The following HAP1 variants were observed in gnomAD, a reference collection of about 807,000 sequenced individuals.
HAP1 encodes the protein huntingtin associated protein 1.
Under a neutral mutation model 60.3 loss-of-function variants are expected in HAP1, and 59 were observed. That is an observed-to-expected ratio of 0.98 (90% CI 0.79 to 1.22). The LOEUF (loss-of-function observed/expected upper bound fraction) is 1.22. HAP1 is among the 50% of genes most tolerant of loss of function. The probability of loss-of-function intolerance (pLI) is 0.00; values close to 1 mark genes in which losing one functional copy is unlikely to be tolerated. For missense variants in HAP1, 825 were observed against 785.3 expected, an observed-to-expected ratio of 1.05 and a Z score of -0.60; for synonymous variants, 346 against 330.6, an observed-to-expected ratio of 1.05 and a Z score of -0.50.
rs1158624877 is a variant in HAP1 at position 41,724,865 on chromosome 17, C to T, written c.1696G>A (p.Gly566Ser). Residue 566 changes from glycine to serine, a missense_variant, in exon 11 of 11, where the codon GGC becomes AGC. Coordinates refer to ENST00000347901, the MANE Select transcript of HAP1 (RefSeq NM_177977.3). ...VTSALEASGL[G>S]PSHLDMNYVL... ...TAATTCATGTCCAGGTGTGAAGGGC[C>T]CAAGCCGCTGGCCTCCAGGGCTGAT... is the stretch of plus-strand genomic sequence containing the variant. 1 of 1,613,640 alleles carries T rather than the reference C, an allele frequency of 6.2e-7. No individual in the cohort carries two copies. Among genetic ancestry groups the T allele is most frequent in the Non-Finnish European group, 8.5e-7 (1 of 1,180,006 alleles).
chr17:41,719,324 A>G (rs1419061005), downstream of HAP1, among the ~76,000 whole-genome samples: 1 of 152,162 alleles, frequency 6.6e-6, no homozygotes, highest in Non-Finnish European at 1.5e-5. Context: ...AGGAATATGA[A>G]AACCATGGAT....
At position 41,728,225 on chromosome 17, in the gene HAP1, C is replaced by G. The variant is rs1555589523; in HGVS notation, c.1176G>C (p.Leu392=). ...QEVARLQAQV[L]KLQQRCRMYG... is the part of the protein sequence containing the mutation. ...CCATCCGGCAGCGCTGCTGCAGCTT[C>G]AGCACCTGGGCCTGCAGCCGAGCGA... Residue 392 remains leucine, a synonymous_variant, in exon 7 of 11, where the codon CTG becomes CTC. Coordinates refer to ENST00000347901, the MANE Select transcript of HAP1 (RefSeq NM_177977.3). 1 of 1,612,942 alleles carries G rather than the reference C, an allele frequency of 6.2e-7. No homozygotes were observed. The highest frequency in any genetic ancestry group is 1.1e-5 in the South Asian group (1 of 91,088).
At chr17:41,725,403 A>G (rs1911555117) in intron 10 of HAP1, among the ~76,000 whole-genome samples, 1 of 152,130 alleles carries the variant, frequency 6.6e-6, no homozygotes. Context: ...CACGGAATAC[A>G]CCAACAGGGT....
intron 8 of HAP1, 89 bp from the exon 9 acceptor site, chr17:41,727,233 CAGCCACCAAGGCTG>C: frequency 1.2e-6 from 1 of 819,100 alleles, no homozygotes; most frequent in South Asian, 1.3e-5. Flanking sequence ...GGATCTCAAT[CAGCCACCAAGGCTG>C]AGACACAGGC....
Position 41,725,000 on chromosome 17 carries a change from G to C in HAP1, c.1561C>G (p.Pro521Ala). ...QEELGAAKKV[P>A]AEEGVMEEAE... ...TCTTCCATCACCCCTTCCTCAGCCG[G>C]CACCTTCTTGGCAGCCCCCAGCTCC... The change falls in exon 11 of 11, where the codon CCG (proline) becomes GCG (alanine). Residue 521 changes from proline (P) to alanine (A), a missense_variant. Coordinates refer to ENST00000347901, the MANE Select transcript of HAP1 (RefSeq NM_177977.3). The C allele has an allele frequency of 6.2e-7, 1 of 1,611,714 alleles. No homozygotes were observed. Among genetic ancestry groups the C allele is most frequent in the East Asian group, 2.2e-5 (1 of 44,824 alleles).
chr17:41,728,201 C>A lies in HAP1; in HGVS notation c.1200G>T (p.Met400Ile). The change falls in exon 7 of 11, where the codon ATG becomes ATT. Residue 400 changes from methionine to isoleucine, a missense_variant and splice_region_variant. By Grantham distance (10) the Met-to-Ile change is conservative. Transcript: ENST00000347901. ...QVLKLQQRCR[M>I]YGAETEKLQK... The stretch of plus-strand genomic sequence containing the variant: ...AGGGTTCCACACACACCCGACTCAC[C>A]ATCCGGCAGCGCTGCTGCAGCTTCA... 1 of 1,610,878 alleles carries A rather than the reference C, an allele frequency of 6.2e-7. No individual in the cohort carries two copies. The highest frequency in any genetic ancestry group is 1.1e-5 in the South Asian group (1 of 91,086).
chr17:41,726,984 G>A, intron 9 of HAP1, 69 bp downstream of exon 9: 2 of 792,402 alleles, frequency 2.5e-6, no homozygotes, highest in Non-Finnish European at 4.3e-6. Context: ...CAGAGTGTGA[G>A]GGCAAACCCC....
chr17:41,727,377 T>C, intron 8 of HAP1: 2 of 780,564 alleles, frequency 2.6e-6, no homozygotes, highest in South Asian at 1.3e-5. Flanking sequence ...CACCTCCTCC[T>C]GCATCTCAAT....
At chr17:41,725,998 A>G in intron 9 of HAP1, 101 bp from the exon 10 acceptor site, 3 of 872,562 alleles carry the variant, frequency 3.4e-6, no homozygotes, top group Non-Finnish European at 5.8e-6. Flanking sequence ...GGCCATGAGC[A>G]GTGGCTCACG....
chr17:41,724,949 C>T lies in HAP1; in HGVS notation c.1612G>A (p.Glu538Lys), dbSNP rs149023651. ...EEAELVSEET[E>K]GWEEVELELD... ...TCCAGTTCCACCTCCTCCCAGCCCTCGGTCTCCTCTGACACCAGCTCTGCC... is the reference window on the plus strand; with the variant it reads ...TCCAGTTCCACCTCCTCCCAGCCCTTGGTCTCCTCTGACACCAGCTCTGCC... The change falls in exon 11 of 11, where the codon GAG becomes AAG. Residue 538 changes from glutamate (E) to lysine (K), a missense_variant. Glu to Lys is a moderately conservative substitution (Grantham distance 56, BLOSUM62 1). Coordinates refer to ENST00000347901, the MANE Select transcript of HAP1 (RefSeq NM_177977.3). 64 of 1,612,902 alleles carry T rather than the reference C, an allele frequency of 4.0e-5. No homozygotes were observed. The African/African-American group carries it at 6.5e-4, about 16-fold the overall frequency.
At position 41,731,651 on chromosome 17, in the gene HAP1, T is replaced by C. The variant is rs368569053; in HGVS notation, c.989A>G (p.Gln330Arg). The C allele has an allele frequency of 1.2e-6, 2 of 1,613,770 alleles. No individual in the cohort carries two copies. The highest frequency in any genetic ancestry group is 1.7e-6 in the Non-Finnish European group (2 of 1,179,656). The change falls in exon 5 of 11, where the codon CAG (glutamine) becomes CGG (arginine). Residue 330 changes from glutamine to arginine, a missense_variant. Transcript: ENST00000347901. ...CCCCATTCTCACCTCTTCTCTCAGC[T>C]GATGATTCTCCTCCTCCAGCAGCCT... ...KLRLLEEENH[Q>R]LREEASQLDT...
chr17:41,733,614 C>G (rs895457740), intron 1 of HAP1, among the ~76,000 whole-genome samples: 4 of 152,006 alleles, frequency 2.6e-5, no homozygotes, highest in African/African-American at 9.7e-5. Flanking sequence ...GAAGACTTCA[C>G]CAGATTAGGA....
chr17:41,732,164 A>G, intron 3 of HAP1, 46 bp from the exon 4 acceptor site: 1 of 1,610,290 alleles, frequency 6.2e-7, no homozygotes, highest in Non-Finnish European at 8.5e-7. Flanking sequence ...GGGCAGGGAC[A>G]GGAGAGGGTC....
downstream of HAP1, chr17:41,717,980 G>A: frequency 2.1e-6 from 1 of 469,868 alleles, no homozygotes; most frequent in Non-Finnish European, 4.4e-6. Flanking sequence ...GGGCTGTAGA[G>A]GAGGGAAAGT....
At position 41,727,759 on chromosome 17, in the gene HAP1, C is replaced by T. The variant is rs781894504; in HGVS notation, c.1275+3G>A. On this transcript the variant is annotated splice_donor_region_variant and intron_variant, in intron 8 of 10. Transcript: ENST00000347901. ...GGGGGCAGAAGCCGGCAGCGAGACTCACCTCTTCCTGGAGCTGCATCTGGA... is the reference window on the plus strand; with the variant it reads ...GGGGGCAGAAGCCGGCAGCGAGACTTACCTCTTCCTGGAGCTGCATCTGGA... 32 of 1,603,558 alleles carry T rather than the reference C, an allele frequency of 2.0e-5. No homozygotes were observed. Among genetic ancestry groups the T allele is most frequent in the Middle Eastern group, 1.6e-4 (1 of 6,068 alleles).
intron 2 of HAP1, 135 bp from the exon 3 acceptor site, chr17:41,732,529 AAAG>A (rs781940102): frequency 1.4e-4 from 147 of 1,037,468 alleles, no homozygotes; most frequent in Non-Finnish European, 2.0e-4. Context: ...CCTCATGGAA[AAAG>A]AAGATCAGAC....
chr17:41,725,249 C>T, intron 10 of HAP1, 95 bp from the exon 11 acceptor site: 1 of 1,044,712 alleles, frequency 9.6e-7, no homozygotes, highest in East Asian at 2.5e-5. Flanking sequence ...GATGGTTCCT[C>T]CTGGTTCTGT....
At chr17:41,726,950 C>T (rs1022675698) in intron 9 of HAP1, 103 bp downstream of exon 9, 11 of 641,938 alleles carry the variant, frequency 1.7e-5, no homozygotes, top group East Asian at 2.7e-5. Flanking sequence ...GTGAACGAGG[C>T]GGGTATAGGG....
At chr17:41,722,452 G>C (rs1245732735), downstream of HAP1, 1 of 152,268 alleles carries the variant, frequency 6.6e-6, no homozygotes, top group Non-Finnish European at 1.5e-5. Context: ...ACTCTGGCCT[G>C]AGTTTCTCCA....
Sources: gnomAD v4.1 joint callset for allele counts (sites outside exome capture counted in the v4.1 genomes callset) on GRCh38, gnomAD v4.1.1 for gene constraint, MANE v1.5 for transcripts, NCBI Gene and HGNC (gene_info 2026-07-23, HGNC 2026-07-21) for gene names.